The following EFTUD2 variants were observed in gnomAD, a reference collection of about 807,000 sequenced individuals.
The protein encoded by EFTUD2 is 116 kDa U5 small nuclear ribonucleoprotein component.
EFTUD2 carries 9 observed loss-of-function variants against 114.3 expected under a neutral mutation model. The observed-to-expected ratio is 0.08, with a 90% CI of 0.05 to 0.14. EFTUD2 has a LOEUF of 0.14. EFTUD2 is among the 10% of genes least tolerant of loss of function. The pLI, the probability that EFTUD2 is intolerant of heterozygous loss-of-function variation, is 1.00. For missense variants in EFTUD2, 765 were observed against 1,241.2 expected, an observed-to-expected ratio of 0.62 and a Z score of 5.76; for synonymous variants, 449 against 462.3, an observed-to-expected ratio of 0.97 and a Z score of 0.37.
At chr17:44,883,755 G>T (rs373838692) in intron 4 of EFTUD2, 31 bp from the exon 5 acceptor site, 62 of 1,609,612 alleles carry the variant, frequency 3.9e-5, no homozygotes, top group Non-Finnish European at 4.7e-5. Flanking sequence ...AGAAAAGAGA[G>T]ATTGGCAAAC....
chr17:44,857,222 T>A, intron 19 of EFTUD2, 65 bp from the exon 20 acceptor site: 1 of 1,425,688 alleles, frequency 7.0e-7, no homozygotes, highest in Non-Finnish European at 9.9e-7. Context: ...ACCATTTACC[T>A]AAGGGAATTC....
chr17:44,871,649 G>T (rs1347962409), intron 11 of EFTUD2, among the ~76,000 whole-genome samples: 1 of 152,082 alleles, frequency 6.6e-6, no homozygotes, highest in Non-Finnish European at 1.5e-5. Flanking sequence ...AAAAAAGACT[G>T]AACTTTAATC....
rs1258902153 is a variant in EFTUD2, at chr17:44,853,469, T to C, written c.2466+48A>G. The stretch of plus-strand genomic sequence containing the variant: ...TAGTCCCACTTGCTCCTTCACTTAG[T>C]CCCCTGTCCAGTGAAGCAGATGGTC... On this transcript the variant is annotated intron_variant, in intron 24 of 27. Transcript: ENST00000426333. The C allele has an allele frequency of 3.1e-6, 5 of 1,609,600 alleles. No individual in the cohort carries two copies. The Admixed American group carries it at 6.7e-5, about 21-fold the overall frequency.
rs759516915 is a variant in EFTUD2, at chr17:44,855,032, G to GTGGT, written c.2046-29_2046-28insACCA. Reference sequence around the variant, plus strand: ...GGTCAGAATGGAAATGGGTGGTAAGGACGGCTAACAGAACAGCAGAAGAGG... The same window carrying GTGGT: ...GGTCAGAATGGAAATGGGTGGTAAGGTGGTACGGCTAACAGAACAGCAGAAGAGG... On this transcript the variant is annotated intron_variant, in intron 20 of 27. Coordinates refer to ENST00000426333, the MANE Select transcript of EFTUD2 (RefSeq NM_004247.4). The GTGGT allele has an allele frequency of 7.5e-6, 12 of 1,590,872 alleles. No homozygotes were observed. In the African/African-American group the frequency reaches 8.1e-5, roughly 11 times the overall value.
chr17:44,857,046 G>C (rs774346019), intron 20 of EFTUD2, 29 bp downstream of exon 20: 3 of 1,595,852 alleles, frequency 1.9e-6, no homozygotes, highest in East Asian at 4.5e-5. Flanking sequence ...GGAGGCTGCA[G>C]TCCCAGGGAC....
At position 44,854,903 on chromosome 17, in the gene EFTUD2, G is replaced by C; in HGVS notation, c.2132+15C>G. The C allele has an allele frequency of 6.2e-7, 1 of 1,613,516 alleles. No homozygotes were observed. The highest frequency in any genetic ancestry group is 8.5e-7 in the Non-Finnish European group (1 of 1,179,488). On this transcript the variant is annotated intron_variant, in intron 21 of 27. Coordinates refer to ENST00000426333, the MANE Select transcript of EFTUD2 (RefSeq NM_004247.4). The surrounding 1 kb of genome is among the most constrained non-coding windows in gnomAD (Gnocchi z 4.3). ...CTGCCTCCTTTCGACCCTGGCGTCA[G>C]AGCCCTGTTCTCACCTGTTCCACGT... is the stretch of plus-strand genomic sequence containing the variant.
chr17:44,859,269 G>A, intron 18 of EFTUD2, 88 bp from the exon 19 acceptor site: 1 of 938,448 alleles, frequency 1.1e-6, no homozygotes, highest in Admixed American at 1.8e-5. Flanking sequence ...CAGACAAGAA[G>A]TTGCCTATCA....
At chr17:44,857,009 T>TG (rs2050569289) in intron 20 of EFTUD2, 66 bp downstream of exon 20, 3 of 1,347,270 alleles carry the variant, frequency 2.2e-6, no homozygotes, top group Admixed American at 1.7e-5. Context: ...GGGGTAGAGG[T>TG]GGAAGATAAA....
In EFTUD2 at chr17:44,875,931, T is replaced by C. The variant is rs1420070982; in HGVS notation, c.869+3A>G. 2 of 1,612,936 alleles carry C rather than the reference T, an allele frequency of 1.2e-6. No homozygotes were observed. The highest frequency in any genetic ancestry group is 1.7e-6 in the Non-Finnish European group (2 of 1,179,310). Reference sequence around the variant, plus strand: ...AGGAAATCCACTCCCAGGGGTTTTCTACCTTATTAATCCATTGACCTCATC... The same window carrying C: ...AGGAAATCCACTCCCAGGGGTTTTCCACCTTATTAATCCATTGACCTCATC... On this transcript the variant is annotated splice_donor_region_variant and intron_variant, in intron 10 of 27. Transcript: ENST00000426333.
In EFTUD2 at chr17:44,886,592, A is replaced by G. The variant is rs2051177299; in HGVS notation, c.264T>C (p.Pro88=). ...CATGTCCTCCTGATGTACCTGTGAG[A>G]GGCTGAGTGTCTTCCTCTTGAACTA... ...ETIVQEEDTQ[P]LTEPIIKPVK... is the part of the protein sequence containing the mutation. Residue 88 remains proline, a synonymous_variant, in exon 3 of 28, where the codon CCT becomes CCC. Coordinates refer to ENST00000426333, the MANE Select transcript of EFTUD2 (RefSeq NM_004247.4). The G allele has an allele frequency of 3.1e-6, 5 of 1,614,040 alleles. No individual in the cohort carries two copies. Among genetic ancestry groups the G allele is most frequent in the Non-Finnish European group, 4.2e-6 (5 of 1,180,036 alleles).
In EFTUD2 at chr17:44,850,975, C is replaced by T. The variant is rs2050437575; in HGVS notation, c.*299G>A. The T allele has an allele frequency of 2.6e-6, 1 of 387,358 alleles. No individual in the cohort carries two copies. The highest frequency in any genetic ancestry group is 2.0e-5 in the African/African-American group (1 of 49,674). 24.0% of individuals were successfully genotyped at this position (387,358 alleles called of 1,614,324 possible). ...GGTCAAACTTGTAGAAAATAAAATT[C>T]CATGTAAATCCCAAAGATAGGGCCC... On this transcript the variant is annotated 3_prime_UTR_variant, in exon 28 of 28. Transcript: ENST00000426333.
intron 20 of EFTUD2, among the ~76,000 whole-genome samples, chr17:44,855,828 T>C (rs986434681): frequency 6.6e-6 from 1 of 151,264 alleles, no homozygotes; most frequent in East Asian, 2.0e-4. Context: ...ACTCACTCCC[T>C]GTAGTCCTAG....
chr17:44,887,855 T>A (rs771482745), intron 2 of EFTUD2, among the ~76,000 whole-genome samples: 2 of 152,230 alleles, frequency 1.3e-5, no homozygotes, highest in African/African-American at 2.4e-5. Context: ...TAACCCATAG[T>A]CATATGCAAC....
chr17:44,887,696 T>C (rs989025916), intron 2 of EFTUD2, among the ~76,000 whole-genome samples: 1 of 151,850 alleles, frequency 6.6e-6, no homozygotes, highest in Non-Finnish European at 1.5e-5. Context: ...GGGAGGACAA[T>C]GGGTAAGGGG....
intron 15 of EFTUD2, 42 bp downstream of exon 15, chr17:44,863,613 G>T (rs759417435): frequency 3.8e-6 from 6 of 1,597,328 alleles, no homozygotes; most frequent in East Asian, 2.2e-5. Flanking sequence ...ACACAGGAAG[G>T]GGAAAAAAAG....
intron 11 of EFTUD2, among the ~76,000 whole-genome samples, chr17:44,869,959 C>T (rs901247591): frequency 2.0e-5 from 3 of 152,222 alleles, no homozygotes; most frequent in Non-Finnish European, 2.9e-5. Flanking sequence ...CTAGCGAGAG[C>T]ACATGGTATC....
intron 9 of EFTUD2, among the ~76,000 whole-genome samples, chr17:44,877,325 C>T (rs2050980795): frequency 6.6e-6 from 1 of 152,026 alleles, no homozygotes; most frequent in Non-Finnish European, 1.5e-5. Context: ...AACGATGAGG[C>T]GTGAAAAAGA....
At chr17:44,862,939 CATCT>C (rs748553289) in intron 15 of EFTUD2, 33 bp from the exon 16 acceptor site, 23 of 1,572,948 alleles carry the variant, frequency 1.5e-5, no homozygotes, top group Non-Finnish European at 2.0e-5. Flanking sequence ...GCTTCAACCA[CATCT>C]ATGCTCCGGG....
intron 6 of EFTUD2, chr17:44,881,980 G>A: frequency 2.2e-6 from 1 of 457,516 alleles, no homozygotes; most frequent in Non-Finnish European, 4.0e-6. Flanking sequence ...AGCCCAGGCT[G>A]GAGTGCAATG....
Sources: allele counts gnomAD v4.1 joint callset (sites outside exome capture counted in the v4.1 genomes callset), GRCh38; gene constraint gnomAD v4.1.1; non-coding constraint Gnocchi (gnomAD v3.1); transcripts MANE v1.5; gene names NCBI Gene and HGNC (gene_info 2026-07-23, HGNC 2026-07-21).